Variants in TRIM23 observed in about 807,000 individuals in gnomAD.
TRIM23 encodes E3 ubiquitin-protein ligase TRIM23.
TRIM23 carries 27 observed loss-of-function variants against 71.0 expected under a neutral mutation model. The ratio of observed to expected loss-of-function variants is 0.38; its 90% CI spans 0.28 to 0.52. The LOEUF is 0.52. Among genes scored for constraint, TRIM23 ranks in the 20% least tolerant of loss-of-function variants. The pLI, the probability that TRIM23 is intolerant of heterozygous loss-of-function variation, is 0.84. For missense variants in TRIM23, 482 were observed against 692.3 expected, an observed-to-expected ratio of 0.70 and a Z score of 3.41; for synonymous variants, 234 against 238.0, an observed-to-expected ratio of 0.98 and a Z score of 0.16.
chr5:65,609,603 G>C, intron 5 of TRIM23, 145 bp from the exon 6 acceptor site: 1 of 804,484 alleles, frequency 1.2e-6, no homozygotes, highest in Non-Finnish European at 1.9e-6. Context: ...GGTGGCATGT[G>C]CCTGTAGTCC....
intron 6 of TRIM23, among the ~76,000 whole-genome samples, chr5:65,606,566 C>T (rs774647006): frequency 2.0e-5 from 3 of 152,064 alleles, no homozygotes; most frequent in Non-Finnish European, 4.4e-5. Flanking sequence ...TCCTATTACT[C>T]TGTCCTTCGC....
At chr5:65,616,557 G>T (rs906969538) in intron 2 of TRIM23, among the ~76,000 whole-genome samples, 6 of 148,100 alleles carry the variant, frequency 4.1e-5, no homozygotes, top group Non-Finnish European at 7.4e-5. Flanking sequence ...CAGGAGAATC[G>T]CTTGAACCCC....
At chr5:65,613,362 G>A (rs1172893136) in intron 3 of TRIM23, among the ~76,000 whole-genome samples, 2 of 152,188 alleles carry the variant, frequency 1.3e-5, no homozygotes, top group African/African-American at 4.8e-5. Flanking sequence ...TCTAATGAAA[G>A]AGAAGTGAAA....
At chr5:65,615,761 T>C (rs1165597593) in intron 2 of TRIM23, among the ~76,000 whole-genome samples, 1 of 152,228 alleles carries the variant, frequency 6.6e-6, no homozygotes, top group East Asian at 1.9e-4. Context: ...TATATACAAA[T>C]AAACCTCTAG....
intron 7 of TRIM23, among the ~76,000 whole-genome samples, chr5:65,602,096 T>A (rs183274370): frequency 4.6e-5 from 7 of 152,292 alleles, no homozygotes; most frequent in Admixed American, 1.3e-4. Context: ...CCAGCTTGAA[T>A]TTTTCCCCAG....
At chr5:65,618,283 C>A (rs1226270708) in intron 1 of TRIM23, 28 bp from the exon 2 acceptor site, 2 of 1,578,384 alleles carry the variant, frequency 1.3e-6, no homozygotes, top group Non-Finnish European at 1.7e-6. Context: ...AGGATGTGCT[C>A]TTTAAACAAT....
intron 6 of TRIM23, among the ~76,000 whole-genome samples, chr5:65,607,667 G>A (rs1204931350): frequency 6.6e-6 from 1 of 152,058 alleles, no homozygotes; most frequent in East Asian, 1.9e-4. Context: ...AGTCATTTTG[G>A]CACAACACTT....
Position 65,624,328 on chromosome 5 carries a change from G to A in TRIM23, c.-54C>T. On this transcript the variant is annotated 5_prime_UTR_variant, in exon 1 of 11. Coordinates refer to ENST00000231524, the MANE Select transcript of TRIM23 (RefSeq NM_001656.4). ...CCTTCAGAGTCCTCAACTGAGAGGC[G>A]GGGTTGAGCCACCTACCCAGAGGCC... The A allele has an allele frequency of 6.3e-7, 1 of 1,592,608 alleles. No individual in the cohort carries two copies. Among genetic ancestry groups the A allele is most frequent in the Admixed American group, 1.7e-5 (1 of 58,288 alleles).
intron 2 of TRIM23, among the ~76,000 whole-genome samples, chr5:65,616,501 G>A (rs1354646381): frequency 6.6e-6 from 1 of 151,680 alleles, no homozygotes; most frequent in African/African-American, 2.4e-5. Context: ...AATTAGTCAG[G>A]CGTGGTGGCA....
rs1753975545 is a variant in TRIM23 at position 65,590,006 on chromosome 5, C to T, written c.*1763G>A. On this transcript the variant is annotated 3_prime_UTR_variant, in exon 11 of 11. Transcript: ENST00000231524. ...AAAATATTTCTTTAAAAATGAATCA[C>T]ACACAAACACCTACCATTATACATA... 1 of 269,222 alleles carries T rather than the reference C, an allele frequency of 3.7e-6. No individual in the cohort carries two copies. Among genetic ancestry groups the T allele is most frequent in the Non-Finnish European group, 7.2e-6 (1 of 138,314 alleles). The allele number at this position is 269,222 out of a possible 1,614,324, so 16.7% of individuals were successfully genotyped here.
At chr5:65,623,424 G>T (rs1247427921) in intron 1 of TRIM23, among the ~76,000 whole-genome samples, 1 of 152,116 alleles carries the variant, frequency 6.6e-6, no homozygotes, top group African/African-American at 2.4e-5. Flanking sequence ...AAACCAATGG[G>T]ATCAGTTCTC....
At position 65,590,695 on chromosome 5, in the gene TRIM23, T is replaced by C; in HGVS notation, c.*1074A>G. On this transcript the variant is annotated 3_prime_UTR_variant, in exon 11 of 11. Coordinates refer to ENST00000231524, the MANE Select transcript of TRIM23 (RefSeq NM_001656.4). Reference sequence around the variant, plus strand: ...GTAAACTTTTTGAATTTTTTTTTTCTTTAGACATTTTTCCTCTAGAGTAAC... The same window carrying C: ...GTAAACTTTTTGAATTTTTTTTTTCCTTAGACATTTTTCCTCTAGAGTAAC... 1 of 985,072 alleles carries C rather than the reference T, an allele frequency of 1.0e-6. No individual in the cohort carries two copies. The highest frequency in any genetic ancestry group is 1.2e-6 in the Non-Finnish European group (1 of 829,244). 61.0% of individuals were successfully genotyped at this position (985,072 alleles called of 1,614,324 possible). A position where few individuals can be genotyped will look rare whatever the true frequency, so the allele number is the denominator to read the frequency against.
intron 1 of TRIM23, among the ~76,000 whole-genome samples, chr5:65,621,884 G>A (rs2150645675): frequency 6.6e-6 from 1 of 151,866 alleles, no homozygotes; most frequent in East Asian, 1.9e-4. Context: ...CTGGAGAGTA[G>A]TGGCCTGAGC....
chr5:65,600,642 C>CAAAAAAAAAAAAAAAAAAAAA (rs1754337762), intron 7 of TRIM23, among the ~76,000 whole-genome samples: 2 of 117,956 alleles, frequency 1.7e-5, no homozygotes, highest in Non-Finnish European at 1.8e-5. Context: ...AAAAAAAAAG[C>CAAAAAAAAAAAAAAAAAAAAA]AAAAATAGAC....
rs769423367 is a variant in TRIM23 at position 65,591,485 on chromosome 5, C to T, written c.*284G>A. The T allele has an allele frequency of 1.3e-6, 2 of 1,584,130 alleles. No homozygotes were observed. The highest frequency in any genetic ancestry group is 1.7e-6 in the Non-Finnish European group (2 of 1,167,218). ...ACTACCTCTTTCCCAGTATATTGGT[C>T]ACATATTATCTGAAAAACTTAAATA... On this transcript the variant is annotated 3_prime_UTR_variant, in exon 11 of 11. Transcript: ENST00000231524.
At chr5:65,608,004 TTAAAA>T (rs747997076) in intron 6 of TRIM23, among the ~76,000 whole-genome samples, 1 of 152,086 alleles carries the variant, frequency 6.6e-6, no homozygotes, top group Non-Finnish European at 1.5e-5. Flanking sequence ...TAGAAAGAAC[TTAAAA>T]TAAAAACTGT....
intron 7 of TRIM23, among the ~76,000 whole-genome samples, chr5:65,599,867 T>C (rs1754313980): frequency 6.6e-6 from 1 of 152,226 alleles, no homozygotes; most frequent in South Asian, 2.1e-4. Flanking sequence ...TGTTCTGTTT[T>C]TGCACTGCTA....
At chr5:65,598,399 G>A (rs918515716) in intron 7 of TRIM23, among the ~76,000 whole-genome samples, 2 of 152,164 alleles carry the variant, frequency 1.3e-5, no homozygotes, top group East Asian at 1.9e-4. Context: ...ATCCAACATA[G>A]TGAGGATGAG....
At chr5:65,617,360 G>A (rs1754802402) in intron 2 of TRIM23, among the ~76,000 whole-genome samples, 1 of 152,060 alleles carries the variant, frequency 6.6e-6, no homozygotes, top group African/African-American at 2.4e-5. Flanking sequence ...TTGAAAAATA[G>A]TATGAATATA....
Sources: gnomAD v4.1 joint callset for allele counts (sites outside exome capture counted in the v4.1 genomes callset) on GRCh38, gnomAD v4.1.1 for gene constraint, MANE v1.5 for transcripts, NCBI Gene and HGNC (gene_info 2026-07-23, HGNC 2026-07-21) for gene names.